Variants in GGA2 observed in about 807,000 individuals in gnomAD.
The protein encoded by GGA2 is golgi associated, gamma adaptin ear containing, ARF binding protein 2, also known as ADP-ribosylation factor-binding protein GGA2.
Under a neutral mutation model 79.5 loss-of-function variants are expected in GGA2, and 48 were observed. The ratio of observed to expected loss-of-function variants is 0.60; its 90% CI spans 0.48 to 0.77. The LOEUF (loss-of-function observed/expected upper bound fraction) is 0.77, where lower values mean the gene tolerates loss of function less well. GGA2 is among the 30% of genes least tolerant of loss of function. GGA2 has a pLI of 0.00. For missense variants in GGA2, 770 were observed against 774.0 expected (o/e 0.99, Z 0.06); for synonymous variants, 317 against 302.0 (o/e 1.05, Z -0.51).
rs1489013290 is a variant in GGA2, at chr16:23,478,371, G to C, written c.1289C>G (p.Pro430Arg). Residue 430 changes from proline (P) to arginine (R), a missense_variant, in exon 13 of 17, where the codon CCT becomes CGT. Physicochemically the swap from Pro to Arg is moderately radical, Grantham distance 103. Coordinates refer to ENST00000309859, the MANE Select transcript of GGA2 (RefSeq NM_015044.4). ...TCCCCTTGCCCAGAAGACTCACAGA[G>C]GGCACGGAGCTGGCTGTGCTGAGAG... ...DLLSAQPAPC[P>R]LNYVSQKSVP... is the part of the protein sequence containing the mutation. 6.3e-7 allele frequency: 1 copy of C among 1,586,766 alleles called. No homozygotes were observed. Among genetic ancestry groups the C allele is most frequent in the Non-Finnish European group, 8.6e-7 (1 of 1,164,968 alleles).
upstream of GGA2, among the ~76,000 whole-genome samples, chr16:23,511,142 A>G (rs1165154448): frequency 6.6e-6 from 1 of 151,288 alleles, no homozygotes; most frequent in Non-Finnish European, 1.5e-5. Flanking sequence ...GCTTGCATTT[A>G]TTTTTTATTT....
At chr16:23,495,584 A>C in intron 2 of GGA2, 110 bp downstream of exon 2, 1 of 545,074 alleles carries the variant, frequency 1.8e-6, no homozygotes, top group Non-Finnish European at 3.2e-6. Context: ...GGCATGAGCC[A>C]CCGATCCTTG....
At chr16:23,503,870 T>C (rs1964946068) in intron 1 of GGA2, among the ~76,000 whole-genome samples, 1 of 152,056 alleles carries the variant, frequency 6.6e-6, no homozygotes, top group Admixed American at 6.5e-5. Context: ...TCACCTGAGG[T>C]TGGGAGTTCA....
chr16:23,496,210 G>A (rs1345168236), intron 1 of GGA2, among the ~76,000 whole-genome samples: 1 of 149,816 alleles, frequency 6.7e-6, no homozygotes, highest in African/African-American at 2.5e-5. Context: ...GGCTGAGGCA[G>A]GAGAATCGCT....
chr16:23,469,233 T>G (rs947737366), intron 15 of GGA2: 3 of 408,150 alleles, frequency 7.4e-6, no homozygotes, highest in Non-Finnish European at 1.4e-5. Context: ...GTGTGGTCAA[T>G]AACCGGCATC....
intron 4 of GGA2, among the ~76,000 whole-genome samples, chr16:23,493,130 C>T (rs1964810135): frequency 6.6e-6 from 1 of 152,234 alleles, no homozygotes; most frequent in African/African-American, 2.4e-5. Flanking sequence ...CTAGGCCACA[C>T]GTTCCCCAGG....
At position 23,493,374 on chromosome 16, in the gene GGA2, C is replaced by T; in HGVS notation, c.337G>A (p.Val113Met). ...KFRFLNELIK[V>M]LSPKYLGSWA... ...CAGGTACTCACCTTTGGGGACAACA[C>T]TTTGATCAGTTCGTTCAGGAAACGA... Residue 113 changes from valine to methionine, a missense_variant, in exon 4 of 17, where the codon GTG becomes ATG. Coordinates refer to ENST00000309859, the MANE Select transcript of GGA2 (RefSeq NM_015044.4). The T allele has an allele frequency of 2.5e-6, 4 of 1,602,120 alleles. No homozygotes were observed. Among genetic ancestry groups the T allele is most frequent in the Non-Finnish European group, 2.6e-6 (3 of 1,169,020 alleles).
chr16:23,518,738 C>T lies in GGA2; in HGVS notation c.61+849G>A, dbSNP rs986229296. Among the ~76,000 whole-genome samples the T allele has an allele frequency of 3.3e-5, 5 of 152,194 alleles. No homozygotes were observed. In the East Asian group the frequency reaches 9.6e-4, roughly 29 times the overall value. ...AACTGTTAAGAGTCTGGCAGTTAGACCAGCTGATGAGTGCCATTTCTGAAG... is the reference window on the plus strand; with the variant it reads ...AACTGTTAAGAGTCTGGCAGTTAGATCAGCTGATGAGTGCCATTTCTGAAG... On this transcript the variant is annotated intron_variant, in intron 2 of 5. Coordinates refer to the GGA2 transcript ENST00000569300.
At chr16:23,471,920 A>T (rs569900725) in intron 14 of GGA2, among the ~76,000 whole-genome samples, 54 of 151,918 alleles carry the variant, frequency 3.6e-4, no homozygotes, top group South Asian at 2.7e-3. Flanking sequence ...AAAAAAATTT[A>T]AAAAAAAATT....
chr16:23,483,459 T>C (rs1596983648), intron 8 of GGA2, among the ~76,000 whole-genome samples: 1 of 152,068 alleles, frequency 6.6e-6, no homozygotes, highest in African/African-American at 2.4e-5. Flanking sequence ...GAAGGACAGG[T>C]AAATAAAGAA....
intron 1 of GGA2, among the ~76,000 whole-genome samples, chr16:23,500,439 T>C (rs1398282862): frequency 2.0e-5 from 3 of 151,898 alleles, no homozygotes; most frequent in African/African-American, 7.3e-5. Flanking sequence ...TATGAGGCGG[T>C]GGCAAGCAGA....
rs1964404619 is a variant in GGA2 at position 23,464,013 on chromosome 16, ATCT to A, written c.*3574_*3576del. Reference sequence around the variant, plus strand: ...TTTATACTCTTGACGCTGGGTAAGCATCTTCTATAATGGGTATATTTAAAGGAT... The same window carrying A: ...TTTATACTCTTGACGCTGGGTAAGCATCTATAATGGGTATATTTAAAGGAT... On this transcript the variant is annotated 3_prime_UTR_variant, in exon 17 of 17. Transcript: ENST00000309859. 1.3e-5 allele frequency: 2 copies of A among 152,338 alleles called. No individual in the cohort carries two copies. Among genetic ancestry groups the A allele is most frequent in the Admixed American group, 1.3e-4 (2 of 15,278 alleles). The allele number at this position is 152,338 out of a possible 1,614,324, so 9.4% of individuals were successfully genotyped here. A position where few individuals can be genotyped will look rare whatever the true frequency, so the allele number is the denominator to read the frequency against.
At chr16:23,501,513 A>G in intron 1 of GGA2, 1 of 363,766 alleles carries the variant, frequency 2.7e-6, no homozygotes, top group South Asian at 2.1e-5. Flanking sequence ...CGTGACCTGT[A>G]TTTTCTATTT....
upstream of GGA2, among the ~76,000 whole-genome samples, chr16:23,514,607 C>T (rs1425162489): frequency 3.9e-5 from 6 of 151,966 alleles, no homozygotes; most frequent in South Asian, 2.1e-4. Context: ...CACACACCAC[C>T]GCTCCCAGCT....
At chr16:23,477,106 C>G (rs1290528556) in intron 13 of GGA2, among the ~76,000 whole-genome samples, 1 of 152,154 alleles carries the variant, frequency 6.6e-6, no homozygotes, top group Non-Finnish European at 1.5e-5. Flanking sequence ...CATGACCTAC[C>G]ACGCCTGGCT....
chr16:23,491,530 T>TAAA (rs34831881), intron 5 of GGA2, 147 bp downstream of exon 5: 175 of 299,248 alleles, frequency 5.8e-4, no homozygotes, highest in South Asian at 1.3e-3. Context: ...ATTTATTGCG[T>TAAA]AAAAAAAAAA....
chr16:23,472,184 GTTTTTTTTTTTTTTTTTT>G (rs749688834), intron 14 of GGA2, among the ~76,000 whole-genome samples: 2 of 54,838 alleles, frequency 3.6e-5, no homozygotes, highest in African/African-American at 1.3e-4. Context: ...TGTAGCCCTG[GTTTTTTTTTTTTTTTTTT>G]TTTTTTTTTT....
Position 23,480,784 on chromosome 16 carries a change from G to C in GGA2, c.881-14C>G. 6.2e-7 allele frequency: 1 copy of C among 1,603,076 alleles called. No homozygotes were observed. The highest frequency in any genetic ancestry group is 8.5e-7 in the Non-Finnish European group (1 of 1,170,742). The stretch of plus-strand genomic sequence containing the variant: ...GGAGAATTTCCGCTGAAGAATGAGG[G>C]AAGACTCAGAACCCCCTGGTTTGGC... On this transcript the variant is annotated splice_polypyrimidine_tract_variant and intron_variant, in intron 9 of 16. Coordinates refer to ENST00000309859, the MANE Select transcript of GGA2 (RefSeq NM_015044.4).
At chr16:23,477,570 CATCTCTACTAAAAAAAAATACAAAA>C (rs1247144689) in intron 13 of GGA2, among the ~76,000 whole-genome samples, 1 of 151,906 alleles carries the variant, frequency 6.6e-6, no homozygotes, top group Non-Finnish European at 1.5e-5. Flanking sequence ...AGTGAAACCC[CATCTCTACTAAAAAAAAATACAAAA>C]AATTAACCGG....
Sources: gnomAD v4.1 joint callset for allele counts (sites outside exome capture counted in the v4.1 genomes callset) on GRCh38, gnomAD v4.1.1 for gene constraint, MANE v1.5 for transcripts, NCBI Gene and HGNC (gene_info 2026-07-23, HGNC 2026-07-21) for gene names.